The following STARD3NL variants were observed in gnomAD, a reference collection of about 807,000 sequenced individuals.
The protein encoded by STARD3NL is STARD3 N-terminal-like protein.
Under a neutral mutation model 30.9 loss-of-function variants are expected in STARD3NL, and 17 were observed. The ratio of observed to expected loss-of-function variants is 0.55; its 90% CI spans 0.38 to 0.82. STARD3NL has a LOEUF of 0.82. Among genes scored for constraint, STARD3NL ranks in the 40% least tolerant of loss-of-function variants. The pLI is 0.00. For synonymous variants in STARD3NL, 112 were observed against 100.5 expected (o/e 1.11, Z -0.69); for missense variants, 234 against 277.6 (o/e 0.84, Z 1.12).
intron 1 of STARD3NL, among the ~76,000 whole-genome samples, chr7:38,194,456 C>A (rs1784821507): frequency 6.6e-6 from 1 of 151,892 alleles, no homozygotes; most frequent in African/African-American, 2.4e-5. Flanking sequence ...TCTTTTCTAT[C>A]CTTTTCCATA....
chr7:38,193,455 C>T (rs1250758380), intron 1 of STARD3NL, among the ~76,000 whole-genome samples: 2 of 152,090 alleles, frequency 1.3e-5, no homozygotes, highest in East Asian at 1.9e-4. Flanking sequence ...CCCACCACCA[C>T]GCCCGGCTAA....
intron 1 of STARD3NL, among the ~76,000 whole-genome samples, chr7:38,196,127 T>A (rs1175255672): frequency 1.3e-5 from 2 of 152,202 alleles, no homozygotes; most frequent in African/African-American, 4.8e-5. Context: ...AAATGTTACA[T>A]CTTAATCAGA....
chr7:38,210,923 C>T (rs1034372172), intron 2 of STARD3NL, among the ~76,000 whole-genome samples: 11 of 152,166 alleles, frequency 7.2e-5, no homozygotes, highest in Non-Finnish European at 1.5e-4. Flanking sequence ...CTTGGGCAAG[C>T]TGTTTAATAA....
chr7:38,224,880 C>A (rs1786668657), intron 7 of STARD3NL, among the ~76,000 whole-genome samples: 1 of 152,052 alleles, frequency 6.6e-6, no homozygotes, highest in Non-Finnish European at 1.5e-5. Flanking sequence ...TTATGGCAAA[C>A]TTTTTCATAG....
intron 7 of STARD3NL, among the ~76,000 whole-genome samples, chr7:38,220,290 A>G (rs1014042273): frequency 6.6e-6 from 1 of 152,256 alleles, no homozygotes; most frequent in African/African-American, 2.4e-5. Context: ...CAACAAAAAT[A>G]AACAACCTGA....
At chr7:38,182,483 G>A (rs1167871353) in intron 1 of STARD3NL, among the ~76,000 whole-genome samples, 1 of 152,210 alleles carries the variant, frequency 6.6e-6, no homozygotes, top group Non-Finnish European at 1.5e-5. Flanking sequence ...TACTTGCAGT[G>A]CTAGGCTAAG....
At chr7:38,197,181 T>TTTCTTTCC (rs1267229659) in intron 1 of STARD3NL, among the ~76,000 whole-genome samples, 10 of 148,940 alleles carry the variant, frequency 6.7e-5, no homozygotes, top group Non-Finnish European at 1.3e-4. Flanking sequence ...TCTTTCTTTC[T>TTTCTTTCC]TTCTTTCTTT....
intron 4 of STARD3NL, chr7:38,216,390 T>C (rs1435677929): frequency 6.6e-6 from 1 of 152,220 alleles, no homozygotes; most frequent in African/African-American, 2.4e-5. Flanking sequence ...GAGTGCTTAG[T>C]GTGAGCCTGT....
chr7:38,182,979 G>A (rs1372444229), intron 1 of STARD3NL, among the ~76,000 whole-genome samples: 1 of 152,074 alleles, frequency 6.6e-6, no homozygotes. Flanking sequence ...CAAATACTGT[G>A]CATTATTGCT....
intron 1 of STARD3NL, among the ~76,000 whole-genome samples, chr7:38,181,899 C>G (rs755265891): frequency 1.3e-5 from 2 of 152,112 alleles, no homozygotes; most frequent in Admixed American, 6.5e-5. Context: ...GCTTGGAATG[C>G]CCTCTGGATA....
At chr7:38,204,905 C>T (rs1410769944) in intron 1 of STARD3NL, among the ~76,000 whole-genome samples, 1 of 151,798 alleles carries the variant, frequency 6.6e-6, no homozygotes, top group Non-Finnish European at 1.5e-5. Context: ...ATAAATTCCT[C>T]GACACATACA....
intron 1 of STARD3NL, among the ~76,000 whole-genome samples, chr7:38,198,637 A>G (rs951742824): frequency 6.6e-6 from 1 of 152,206 alleles, no homozygotes; most frequent in African/African-American, 2.4e-5. Flanking sequence ...GGCTGCTGCC[A>G]TAAGTAGTGC....
intron 2 of STARD3NL, among the ~76,000 whole-genome samples, chr7:38,210,893 G>A (rs1785762763): frequency 6.6e-6 from 1 of 152,168 alleles, no homozygotes; most frequent in South Asian, 2.1e-4. Context: ...ACTTAGAGCT[G>A]TCGTGACCAG....
In STARD3NL at chr7:38,179,449, A is replaced by G. The variant is rs1247654830; in HGVS notation, c.-59+1029A>G. 2.0e-5 allele frequency among the ~76,000 whole-genome samples: 3 copies of G among 152,372 alleles called. No individual in the cohort carries two copies. In the East Asian group the frequency reaches 5.8e-4, roughly 29 times the overall value. ...TGGTCTTTTAAAACTGCATTATTGC[A>G]TTGCCTAAAACTGCATGAAAGAAAT... On this transcript the variant is annotated intron_variant, in intron 1 of 8. Transcript: ENST00000009041.
At chr7:38,197,577 G>A (rs4723735) in intron 1 of STARD3NL, among the ~76,000 whole-genome samples, 125,909 of 152,142 alleles carry the variant, frequency 0.83, 52,265 homozygotes, top group African/African-American at 0.88. Context: ...ACAGCCTCAT[G>A]TAGGCAGACA....
chr7:38,227,639 CT>C (rs1306342729), intron 7 of STARD3NL, among the ~76,000 whole-genome samples: 17 of 152,104 alleles, frequency 1.1e-4, no homozygotes, highest in Admixed American at 1.1e-3. Flanking sequence ...CTCTCACCCC[CT>C]ACTTTGGTCT....
intron 1 of STARD3NL, among the ~76,000 whole-genome samples, chr7:38,184,819 CAT>C (rs528264959): frequency 3.4e-5 from 5 of 144,976 alleles, no homozygotes; most frequent in Non-Finnish European, 6.0e-5. Context: ...TATGGAAATA[CAT>C]ATATATATAG....
chr7:38,197,136 T>TTTTTTTTCTTTCTTTC (rs377342892), intron 1 of STARD3NL, among the ~76,000 whole-genome samples: 2 of 112,276 alleles, frequency 1.8e-5, no homozygotes, highest in African/African-American at 6.9e-5. Flanking sequence ...GCATTACCTT[T>TTTTTTTTCTTTCTTTC]TTTCTTTCTT....
chr7:38,215,133 TCTC>T, intron 4 of STARD3NL, 28 bp downstream of exon 4: 1 of 1,608,202 alleles, frequency 6.2e-7, no homozygotes, highest in Non-Finnish European at 8.5e-7. Flanking sequence ...GAGTGGGTCA[TCTC>T]CTCCAGTGCT....
Sources: gnomAD v4.1 joint callset for allele counts (sites outside exome capture counted in the v4.1 genomes callset) on GRCh38, gnomAD v4.1.1 for gene constraint, MANE v1.5 for transcripts, NCBI Gene and HGNC (gene_info 2026-07-23, HGNC 2026-07-21) for gene names.